Variants in NOD1 observed in about 807,000 individuals in gnomAD.
NOD1 encodes nucleotide-binding oligomerization domain-containing protein 1.
NOD1 carries 70 observed loss-of-function variants against 81.2 expected under a neutral mutation model. The observed-to-expected ratio is 0.86, with a 90% confidence interval of 0.71 to 1.05. NOD1 has a LOEUF of 1.05. Among genes scored for constraint, NOD1 ranks in the 50% least tolerant of loss-of-function variants. NOD1 has a pLI of 0.00. For missense variants in NOD1, 1,233 were observed against 1,228.0 expected (o/e 1.00, Z -0.06); for synonymous variants, 508 against 526.9 (o/e 0.96, Z 0.49).
intron 13 of NOD1, among the ~76,000 whole-genome samples, chr7:30,428,226 A>G (rs1384607515): frequency 2.0e-5 from 3 of 152,082 alleles, no homozygotes; most frequent in African/African-American, 7.2e-5. Flanking sequence ...ACATAGCACC[A>G]TGTCGGGCTA....
chr7:30,468,713 C>T lies in NOD1; in HGVS notation c.-351-8672G>A, dbSNP rs1333274059. 6.5e-6 allele frequency: 4 copies of T among 616,524 alleles called. No individual in the cohort carries two copies. In the East Asian group the frequency reaches 5.6e-4, roughly 86 times the overall value. 38.2% of individuals were successfully genotyped at this position (616,524 alleles called of 1,614,324 possible). A position where few individuals can be genotyped will look rare whatever the true frequency, so the allele number is the denominator to read the frequency against. ...AAATGTCAATTAGAGTGGGCTCCAC[C>T]AACCCCCAACATAACTGGCACACAT... On this transcript the variant is annotated intron_variant, in intron 1 of 13. Transcript: ENST00000222823.
chr7:30,437,847 C>G (rs1189057059), intron 9 of NOD1, among the ~76,000 whole-genome samples, 191 bp from the exon 10 acceptor site: 1 of 152,200 alleles, frequency 6.6e-6, no homozygotes, highest in Admixed American at 6.5e-5. Flanking sequence ...ATTTCAAATT[C>G]AAGGGGTGAT....
chr7:30,454,511 A>G (rs567367487), intron 5 of NOD1, among the ~76,000 whole-genome samples: 12 of 152,344 alleles, frequency 7.9e-5, no homozygotes. Context: ...GATACAGCAA[A>G]AAATACTTAT....
chr7:30,467,802 A>C lies in NOD1; in HGVS notation c.-351-7761T>G, dbSNP rs534928556. The stretch of plus-strand genomic sequence containing the variant: ...CTGCAACCTCCGCCTCATAGGTTCA[A>C]GTGATTCTCCTGCCTCAGCCTCCTG... On this transcript the variant is annotated intron_variant, in intron 1 of 13. Transcript: ENST00000222823. The surrounding 1 kb of genome is among the most constrained non-coding windows in gnomAD (Gnocchi z 4.5). 6.6e-6 allele frequency among the ~76,000 whole-genome samples: 1 copy of C among 152,106 alleles called. No individual in the cohort carries two copies. The highest frequency in any genetic ancestry group is 2.4e-5 in the African/African-American group (1 of 41,406).
chr7:30,437,618 G>C lies in NOD1; in HGVS notation c.2492C>G (p.Ala831Gly). Residue 831 changes from alanine (A) to glycine (G), a missense_variant, in exon 10 of 14, where the codon GCC becomes GGC. Physicochemically the swap from Ala to Gly is moderately conservative, Grantham distance 60. Coordinates refer to ENST00000222823, the MANE Select transcript of NOD1 (RefSeq NM_006092.4). ...GNQVGDEGAK[A>G]FAEALRNHPS... ...GTGGTTCCGCAGAGCCTCTGCGAAGGCTTTTGCTCCTTCATCCCCAACTTG... is the reference window on the plus strand; with the variant it reads ...GTGGTTCCGCAGAGCCTCTGCGAAGCCTTTTGCTCCTTCATCCCCAACTTG... 1 of 1,511,868 alleles carries C rather than the reference G, an allele frequency of 6.6e-7. No homozygotes were observed. Among genetic ancestry groups the C allele is most frequent in the Non-Finnish European group, 8.8e-7 (1 of 1,142,680 alleles). 93.7% of individuals were successfully genotyped at this position (1,511,868 alleles called of 1,614,324 possible).
At chr7:30,447,713 T>C (rs1476678123) in intron 7 of NOD1, 1 of 154,566 alleles carries the variant, frequency 6.5e-6, no homozygotes, top group African/African-American at 2.4e-5. Flanking sequence ...CGCAATCCCT[T>C]CTCTCAGACT....
chr7:30,455,148 T>C lies in NOD1; in HGVS notation c.365A>G (p.Asn122Ser), dbSNP rs879216683. Residue 122 changes from asparagine to serine, a missense_variant, in exon 5 of 14, where the codon AAC becomes AGC. Asn to Ser is a conservative substitution (Grantham distance 46, BLOSUM62 1). Transcript: ENST00000222823. ...GGGCTGACTCCTACCTGGGTCAGTGTTGACCACGACTTTGCTCTGAGTGAG... is the reference window on the plus strand; with the variant it reads ...GGGCTGACTCCTACCTGGGTCAGTGCTGACCACGACTTTGCTCTGAGTGAG... ...SLLTQSKVVV[N>S]TDPVSRYTQQ... 3 of 1,613,906 alleles carry C rather than the reference T, an allele frequency of 1.9e-6. No homozygotes were observed. The highest frequency in any genetic ancestry group is 2.2e-5 in the South Asian group (2 of 91,080).
At chr7:30,460,133 CAG>C in intron 1 of NOD1, 92 bp from the exon 2 acceptor site, 1 of 578,556 alleles carries the variant, frequency 1.7e-6, no homozygotes, top group Non-Finnish European at 2.2e-6. Flanking sequence ...ATCAGGTGTG[CAG>C]AGTTAGCTCA....
intron 3 of NOD1, among the ~76,000 whole-genome samples, chr7:30,457,882 C>A (rs1025037575): frequency 6.6e-6 from 1 of 152,160 alleles, no homozygotes; most frequent in African/African-American, 2.4e-5. Context: ...ATAACCTCTT[C>A]CCCCGTGTCC....
intron 9 of NOD1, among the ~76,000 whole-genome samples, 199 bp from the exon 10 acceptor site, chr7:30,437,855 GA>G (rs914849464): frequency 1.4e-4 from 21 of 152,240 alleles, no homozygotes; most frequent in Non-Finnish European, 2.8e-4. Context: ...TTCAAGGGGT[GA>G]TGCAAGATCG....
At chr7:30,447,998 G>A in intron 7 of NOD1, 1 of 354,762 alleles carries the variant, frequency 2.8e-6, no homozygotes, top group South Asian at 4.2e-5. Flanking sequence ...TATGTAAACA[G>A]GATTCTAGCA....
intron 12 of NOD1, 147 bp from the exon 13 acceptor site, chr7:30,429,604 G>C: frequency 2.9e-6 from 2 of 684,696 alleles, no homozygotes; most frequent in Non-Finnish European, 5.2e-6. Flanking sequence ...CTGGCTAAAA[G>C]TGTCCAGGTA....
rs148695249 is a variant in NOD1 at position 30,460,102 on chromosome 7, A to G, written c.-351-61T>C. Reference sequence around the variant, plus strand: ...GCAAGGAGGCTGCTTTATAATGTCCAGAGCCCTGGCTGAAGATTTAATCAG... The same window carrying G: ...GCAAGGAGGCTGCTTTATAATGTCCGGAGCCCTGGCTGAAGATTTAATCAG... On this transcript the variant is annotated intron_variant, in intron 1 of 13. Coordinates refer to ENST00000222823, the MANE Select transcript of NOD1 (RefSeq NM_006092.4). 2.8e-4 allele frequency: 94 copies of G among 334,252 alleles called. No homozygotes were observed. In the East Asian group the frequency reaches 0.014, roughly 50 times the overall value. The allele number at this position is 334,252 out of a possible 1,614,324, so 20.7% of individuals were successfully genotyped here.
At chr7:30,455,409 T>C (rs1786247263) in intron 4 of NOD1, 98 bp from the exon 5 acceptor site, 1 of 908,166 alleles carries the variant, frequency 1.1e-6, no homozygotes, top group Non-Finnish European at 1.7e-6. Flanking sequence ...TCTGAGTTCT[T>C]AGTACAGCCG....
At chr7:30,431,241 C>A (rs528660611) in intron 12 of NOD1, among the ~76,000 whole-genome samples, 13 of 149,426 alleles carry the variant, frequency 8.7e-5, no homozygotes, top group Middle Eastern at 3.4e-3. Context: ...AATAATTCTG[C>A]AGGCTAAAAA....
At chr7:30,448,168 T>C in intron 7 of NOD1, 130 bp downstream of exon 7, 1 of 747,210 alleles carries the variant, frequency 1.3e-6, no homozygotes, top group South Asian at 1.7e-5. Flanking sequence ...GACTCTCAAC[T>C]CCTGGGCCAG....
chr7:30,429,301 G>C (rs993045259), intron 13 of NOD1, 73 bp downstream of exon 13: 4 of 1,292,914 alleles, frequency 3.1e-6, no homozygotes, highest in Non-Finnish European at 2.3e-6. Flanking sequence ...ACCCTGCGTT[G>C]TGCCTTGCAC....
intron 4 of NOD1, among the ~76,000 whole-genome samples, chr7:30,455,774 G>A (rs1404029299): frequency 6.6e-6 from 1 of 152,052 alleles, no homozygotes; most frequent in Non-Finnish European, 1.5e-5. Flanking sequence ...ACTAATTTTT[G>A]TGTTTTTATT....
intron 1 of NOD1, chr7:30,460,613 C>A: frequency 1.0e-5 from 10 of 985,354 alleles, no homozygotes; most frequent in Non-Finnish European, 1.2e-5. Flanking sequence ...AGATGGATCA[C>A]CAAGTGGAAA....
Sources: gnomAD v4.1 joint callset for allele counts (sites outside exome capture counted in the v4.1 genomes callset) on GRCh38, gnomAD v4.1.1 for gene constraint, Gnocchi (gnomAD v3.1) non-coding constraint, MANE v1.5 for transcripts, NCBI Gene and HGNC (gene_info 2026-07-23, HGNC 2026-07-21) for gene names.